Variants in RIC3 observed in about 807,000 individuals in gnomAD.
RIC3 encodes protein RIC-3.
RIC3 carries 28 observed loss-of-function variants against 27.3 expected under a neutral mutation model. The observed-to-expected ratio is 1.02, with a 90% confidence interval of 0.76 to 1.41. The LOEUF is 1.41. Ranked by LOEUF, RIC3 falls within the 40% of genes most tolerant of loss-of-function variation. The pLI is 0.00. For synonymous variants in RIC3, 184 were observed against 160.4 expected (o/e 1.15, Z -1.11); for missense variants, 501 against 444.7 (o/e 1.13, Z -1.14).
chr11:8,102,000 C>T (rs922355126), downstream of RIC3: 33 of 224,306 alleles, frequency 1.5e-4, no homozygotes, highest in Non-Finnish European at 2.6e-4. Context: ...GTGGCCCAGT[C>T]GTCCGCTCAG....
the RIC3 span, chr11:8,095,781 T>G: frequency 1.0e-4 from 117 of 1,171,970 alleles, no homozygotes; most frequent in East Asian, 8.0e-4. Flanking sequence ...CAATGGTGGG[T>G]GAGGGTGGGG....
intron 1 of RIC3, among the ~76,000 whole-genome samples, chr11:8,150,724 G>C (rs1044970739): frequency 6.6e-6 from 1 of 152,156 alleles, no homozygotes; most frequent in Non-Finnish European, 1.5e-5. Flanking sequence ...TGAAATTGAA[G>C]GCAACTGAGA....
At chr11:8,143,760 G>A (rs1490462869) in intron 1 of RIC3, among the ~76,000 whole-genome samples, 1 of 152,076 alleles carries the variant, frequency 6.6e-6, no homozygotes, top group East Asian at 1.9e-4. Flanking sequence ...GAGGCATCAT[G>A]CTACCTGACT....
At chr11:8,120,571 A>C (rs907396830) in intron 5 of RIC3, among the ~76,000 whole-genome samples, 1 of 152,170 alleles carries the variant, frequency 6.6e-6, no homozygotes, top group Non-Finnish European at 1.5e-5. Context: ...AGAAATACCT[A>C]ATGTAAATGA....
chr11:8,096,625 A>AT, the RIC3 span: 2 of 1,139,024 alleles, frequency 1.8e-6, no homozygotes, highest in African/African-American at 3.1e-5. Context: ...GACCATGTGT[A>AT]TTTCAGGGGC....
rs1412078864 is a variant in RIC3 at position 8,144,939 on chromosome 11, C to T, written c.125-4746G>A. Among the ~76,000 whole-genome samples the T allele has an allele frequency of 3.5e-5, 5 of 141,182 alleles. No homozygotes were observed. In the Admixed American group the frequency reaches 3.7e-4, roughly 10 times the overall value. 92.6% of individuals were successfully genotyped at this position (141,182 alleles called of 152,430 possible). A position where few individuals can be genotyped will look rare whatever the true frequency, so the allele number is the denominator to read the frequency against. On this transcript the variant is annotated intron_variant, in intron 1 of 5. Coordinates refer to ENST00000309737, the MANE Select transcript of RIC3 (RefSeq NM_001206671.4). ...GTAAACTATCGCAAGAACAAAAAAC[C>T]AAACACCGCATATTCTCACTCATAG...
At chr11:8,147,122 A>G (rs1949765651) in intron 1 of RIC3, among the ~76,000 whole-genome samples, 1 of 152,206 alleles carries the variant, frequency 6.6e-6, no homozygotes. Context: ...TCTCTCACCT[A>G]TCTGTGACCT....
At position 8,168,877 on chromosome 11, in the gene RIC3, G is replaced by C; in HGVS notation, c.113C>G (p.Pro38Arg). 1 of 1,610,642 alleles carries C rather than the reference G, an allele frequency of 6.2e-7. No homozygotes were observed. Among genetic ancestry groups the C allele is most frequent in the Non-Finnish European group, 8.5e-7 (1 of 1,178,760 alleles). Residue 38 changes from proline (P) to arginine (R), a missense_variant, in exon 1 of 6, where the codon CCG becomes CGG. Physicochemically the swap from Pro to Arg is moderately radical, Grantham distance 103. Transcript: ENST00000309737. The stretch of plus-strand genomic sequence containing the variant: ...TGGCCTGCTCTTACCTTCAGGTGTC[G>C]GCGGCGGCTCCTGCCGCTTCCCGCG... ...LSRGKRQEPP[P>R]TPEGKLGRFP...
At chr11:8,156,951 G>A (rs1337260347) in intron 1 of RIC3, among the ~76,000 whole-genome samples, 5 of 152,110 alleles carry the variant, frequency 3.3e-5, no homozygotes, top group Admixed American at 3.3e-4. Context: ...ATTTTATTTG[G>A]TGTATATCAT....
intron 5 of RIC3, among the ~76,000 whole-genome samples, chr11:8,119,168 C>T (rs893784518): frequency 3.9e-5 from 6 of 152,154 alleles, no homozygotes; most frequent in Non-Finnish European, 5.9e-5. Context: ...GGGAAGGACT[C>T]GCTAAATGCT....
chr11:8,096,767 C>T, the RIC3 span: 1 of 1,614,190 alleles, frequency 6.2e-7, no homozygotes, highest in South Asian at 1.1e-5. Flanking sequence ...TAAATAGTAA[C>T]ACCCGCCCCA....
chr11:8,138,729 C>G (rs1948693932), intron 2 of RIC3: 1 of 220,332 alleles, frequency 4.5e-6, no homozygotes, highest in Non-Finnish European at 8.7e-6. Flanking sequence ...AAATATTTGC[C>G]CTGGCATGCT....
intron 5 of RIC3, among the ~76,000 whole-genome samples, chr11:8,117,898 C>A (rs1030515243): frequency 6.6e-6 from 1 of 151,874 alleles, no homozygotes; most frequent in Admixed American, 6.6e-5. Flanking sequence ...GCTGAGGTAG[C>A]CTATGTAAGC....
At chr11:8,137,716 G>A (rs1948587302) in intron 3 of RIC3, among the ~76,000 whole-genome samples, 1 of 149,656 alleles carries the variant, frequency 6.7e-6, no homozygotes, top group African/African-American at 2.5e-5. Context: ...TTACAGCCCA[G>A]ATAAACATGA....
chr11:8,128,319 T>C (rs1947235998), intron 4 of RIC3: 2 of 455,164 alleles, frequency 4.4e-6, no homozygotes, highest in Admixed American at 2.4e-5. Flanking sequence ...GTCTTAATTC[T>C]GTTTCCTAAG....
At chr11:8,096,916 G>A in the RIC3 span, 2 of 1,277,240 alleles carry the variant, frequency 1.6e-6, no homozygotes, top group Non-Finnish European at 2.2e-6. Flanking sequence ...CTTCTCTGCT[G>A]GCCTCTTATG....
the RIC3 span, among the ~76,000 whole-genome samples, chr11:8,100,337 A>C: frequency 6.6e-6 from 1 of 152,154 alleles, no homozygotes; most frequent in African/African-American, 2.4e-5. Context: ...GGCAGGGTAG[A>C]GACCCAGGGG....
intron 1 of RIC3, among the ~76,000 whole-genome samples, chr11:8,161,563 A>G (rs1951166384): frequency 6.6e-6 from 1 of 152,220 alleles, no homozygotes; most frequent in Non-Finnish European, 1.5e-5. Flanking sequence ...TCTCAACTCC[A>G]GAGTGGATTC....
downstream of RIC3, chr11:8,105,537 A>C (rs1186359131): frequency 6.6e-6 from 1 of 152,240 alleles, no homozygotes; most frequent in East Asian, 1.9e-4. Context: ...AGTTGGTCTT[A>C]TAGAAAGCAC....
Sources: gnomAD v4.1 joint callset for allele counts (sites outside exome capture counted in the v4.1 genomes callset) on GRCh38, gnomAD v4.1.1 for gene constraint, MANE v1.5 for transcripts, NCBI Gene and HGNC (gene_info 2026-07-23, HGNC 2026-07-21) for gene names.